STRN4: variants seen among roughly 807,000 people sequenced by gnomAD.
The protein encoded by STRN4 is striatin 4.
STRN4 carries 27 observed loss-of-function variants against 77.9 expected under a neutral mutation model. The observed-to-expected ratio is 0.35, with a 90% CI of 0.26 to 0.48. The LOEUF is 0.48. Ranked by LOEUF, STRN4 falls within the 20% of genes least tolerant of loss-of-function variation. The probability of loss-of-function intolerance (pLI) is 0.99; values close to 1 mark genes in which losing one functional copy is unlikely to be tolerated. For missense variants in STRN4, 798 were observed against 1,049.7 expected (o/e 0.76, Z 3.31); for synonymous variants, 466 against 443.1 (o/e 1.05, Z -0.65).
At chr19:46,737,890 G>A (rs1052743913) in intron 3 of STRN4, among the ~76,000 whole-genome samples, 6 of 152,084 alleles carry the variant, frequency 3.9e-5, no homozygotes, top group Admixed American at 1.3e-4. Flanking sequence ...TAGCCCTGGC[G>A]CCCACTCCTC....
intron 1 of STRN4, among the ~76,000 whole-genome samples, chr19:46,743,715 C>T (rs1193901673): frequency 6.6e-6 from 1 of 152,028 alleles, no homozygotes. Context: ...GCCTGACCAA[C>T]GTGGCAAAAC....
rs1483201962 is a variant in STRN4, at chr19:46,720,615, T to C, written c.2249A>G (p.Lys750Arg). 1.3e-6 allele frequency: 2 copies of C among 1,588,320 alleles called. No homozygotes were observed. The highest frequency in any genetic ancestry group is 1.1e-5 in the South Asian group (1 of 87,174). Residue 750 changes from lysine to arginine, a missense_variant, in exon 17 of 18, where the codon AAG becomes AGG. By Grantham distance (26) the Lys-to-Arg change is conservative. Around this residue, in one of 2 missense-constraint regions of STRN4, gnomAD observed 287 missense variants for 473.8 expected, o/e 0.61. Coordinates refer to ENST00000263280, the MANE Select transcript of STRN4 (RefSeq NM_013403.3). ...IASAGADALA[K>R]VFV ...GCCAGGTGGGCATCATACGAAGACC[T>C]TGGCCAGGGCATCAGCGCCAGCACT...
intron 17 of STRN4, 89 bp downstream of exon 17, chr19:46,720,447 C>T (rs947160329): frequency 3.5e-5 from 32 of 913,574 alleles, no homozygotes; most frequent in South Asian, 1.3e-4. Flanking sequence ...TCTCACAGGA[C>T]GCCCCTGACT....
chr19:46,742,631 C>T (rs553973830), intron 1 of STRN4, among the ~76,000 whole-genome samples: 87 of 151,652 alleles, frequency 5.7e-4, no homozygotes, highest in African/African-American at 1.9e-3. Context: ...GGTGTGATCT[C>T]GGCTCACTGC....
intron 1 of STRN4, 35 bp downstream of exon 1, chr19:46,746,114 G>GGGCCA (rs924689158): frequency 2.1e-6 from 3 of 1,458,826 alleles, no homozygotes; most frequent in Non-Finnish European, 2.7e-6. Context: ...GGGCCGGGCC[G>GGGCCA]GGTTGGGGGT....
At position 46,727,529 on chromosome 19, in the gene STRN4, T is replaced by A; in HGVS notation, c.1171A>T (p.Thr391Ser). Residue 391 changes from threonine to serine, a missense_variant, in exon 9 of 18, where the codon ACT becomes TCT. Around this residue, in one of 2 missense-constraint regions of STRN4, gnomAD observed 511 missense variants for 575.9 expected, o/e 0.89. Transcript: ENST00000263280. ...AGGCTCACCTCCCCGCCCCCGATAG[T>A]GTCCATGATGAAGACGTCTGAGGAG... ...RPHEDVFIMD[T>S]IGGGEVSLGD... The A allele has an allele frequency of 1.2e-6, 2 of 1,613,776 alleles. No individual in the cohort carries two copies. Among genetic ancestry groups the A allele is most frequent in the Non-Finnish European group, 1.7e-6 (2 of 1,179,934 alleles).
chr19:46,722,356 G>A lies in STRN4; in HGVS notation c.1907-16C>T. 11 of 1,611,426 alleles carry A rather than the reference G, an allele frequency of 6.8e-6. No homozygotes were observed. The highest frequency in any genetic ancestry group is 9.3e-6 in the Non-Finnish European group (11 of 1,177,712). ...TGGGTTGGACCTGAAGGAAAACGCA[G>A]GAAGAGGGAAGGATGTCAAGCAGAA... On this transcript the variant is annotated splice_polypyrimidine_tract_variant and intron_variant, in intron 14 of 17. Transcript: ENST00000263280.
chr19:46,739,912 T>C (rs1568405396), intron 1 of STRN4, among the ~76,000 whole-genome samples: 1 of 152,220 alleles, frequency 6.6e-6, no homozygotes, highest in Non-Finnish European at 1.5e-5. Context: ...TTATTCTCCC[T>C]GTCCATTGTT....
intron 16 of STRN4, 125 bp downstream of exon 16, chr19:46,721,861 C>A: frequency 7.0e-6 from 7 of 1,005,362 alleles, no homozygotes; most frequent in Non-Finnish European, 9.1e-6. Flanking sequence ...CACGGTCATT[C>A]CCGCCCAGAC....
rs1482596066 is a variant in STRN4, at chr19:46,746,399, G to A, written c.32C>T (p.Ala11Val). Reference sequence around the variant, plus strand: ...CGGACGGCAGGAGGAGGCGGCGGCGGCGACCGCGGCGGCCGCTCGCTCCTC... The same window carrying A: ...CGGACGGCAGGAGGAGGCGGCGGCGACGACCGCGGCGGCCGCTCGCTCCTC... MMEERAAAAV[A>V]AAASSCRPLG... Residue 11 changes from alanine (A) to valine (V), a missense_variant, in exon 1 of 18, where the codon GCC becomes GTC. Transcript: ENST00000263280. The A allele has an allele frequency of 6.6e-6, 7 of 1,062,046 alleles. No homozygotes were observed. The highest frequency in any genetic ancestry group is 3.4e-5 in the African/African-American group (2 of 58,352). The allele number at this position is 1,062,046 out of a possible 1,614,324, so 65.8% of individuals were successfully genotyped here.
At chr19:46,732,814 G>A (rs2054282281) in intron 5 of STRN4, 1 of 566,626 alleles carries the variant, frequency 1.8e-6, no homozygotes, top group African/African-American at 1.9e-5. Flanking sequence ...ACGGGGGCAG[G>A]GCTGGAGATG....
At chr19:46,740,644 T>C (rs2054456987) in intron 1 of STRN4, among the ~76,000 whole-genome samples, 1 of 151,988 alleles carries the variant, frequency 6.6e-6, no homozygotes, top group African/African-American at 2.4e-5. Flanking sequence ...CAGTTCAGCC[T>C]GCCGGGAACC....
At chr19:46,743,657 T>C (rs986640226) in intron 1 of STRN4, among the ~76,000 whole-genome samples, 23 of 152,248 alleles carry the variant, frequency 1.5e-4, no homozygotes, top group Middle Eastern at 3.4e-3. Context: ...CCCAGCACTT[T>C]GGGAGGCCGA....
intron 8 of STRN4, 90 bp downstream of exon 8, chr19:46,727,804 C>T: frequency 8.1e-7 from 1 of 1,230,950 alleles, no homozygotes. Flanking sequence ...GGGCCTCGAC[C>T]CTGAAGACAC....
chr19:46,740,260 GC>G (rs1433243825), intron 1 of STRN4: 2 of 152,152 alleles, frequency 1.3e-5, no homozygotes. Flanking sequence ...CTGCACTCCA[GC>G]CTGGGCGACA....
At chr19:46,744,747 G>A (rs1250491213) in intron 1 of STRN4, among the ~76,000 whole-genome samples, 19 of 151,646 alleles carry the variant, frequency 1.3e-4, no homozygotes, top group Admixed American at 1.3e-3. Context: ...GATAGCAAAC[G>A]GCAAATCGGA....
At chr19:46,728,308 C>A in intron 7 of STRN4, 1 of 589,296 alleles carries the variant, frequency 1.7e-6, no homozygotes, top group Non-Finnish European at 3.0e-6. Flanking sequence ...ACCTGCCTCT[C>A]CCCGACTGGG....
Position 46,725,365 on chromosome 19 carries a change from T to C in STRN4, c.1439A>G (p.Asp480Gly). The change falls in exon 11 of 18, where the codon GAT (aspartate) becomes GGT (glycine). Residue 480 changes from aspartate (D) to glycine (G), a missense_variant. Physicochemically the swap from Asp to Gly is moderately conservative, Grantham distance 94. Transcript: ENST00000263280. ...AVTAKKNAAL[D>G]VEPIHAFRAH... ...CCGGAAAGCATGTATAGGTTCCACA[T>C]CTAGCGCCGCATTCCTGTGGGATGA... 1 of 1,614,118 alleles carries C rather than the reference T, an allele frequency of 6.2e-7. No individual in the cohort carries two copies. The highest frequency in any genetic ancestry group is 8.5e-7 in the Non-Finnish European group (1 of 1,180,020).
At chr19:46,725,095 C>G (rs2054076436) in intron 11 of STRN4, among the ~76,000 whole-genome samples, 167 bp from the exon 12 acceptor site, 1 of 152,212 alleles carries the variant, frequency 6.6e-6, no homozygotes, top group South Asian at 2.1e-4. Context: ...CTGCCCTCCC[C>G]CACCCCACCT....
Sources: gnomAD v4.1 joint callset for allele counts (sites outside exome capture counted in the v4.1 genomes callset) on GRCh38, gnomAD v4.1.1 for gene constraint, gnomAD v4.1.1 regional missense constraint, MANE v1.5 for transcripts, NCBI Gene and HGNC (gene_info 2026-07-23, HGNC 2026-07-21) for gene names.